Variants in ZFAND3 observed in about 807,000 individuals in gnomAD.
The protein encoded by ZFAND3 is AN1-type zinc finger protein 3.
In ZFAND3, 10 loss-of-function variants were observed where a neutral mutation model predicts 29.6. The observed-to-expected ratio is 0.34, with a 90% confidence interval of 0.21 to 0.57. The LOEUF (loss-of-function observed/expected upper bound fraction) is 0.57, where lower values mean the gene tolerates loss of function less well. ZFAND3 is among the 20% of genes least tolerant of loss of function. The pLI is 0.86. For synonymous variants in ZFAND3, 128 were observed against 112.6 expected, an observed-to-expected ratio of 1.14 and a Z score of -0.87; for missense variants, 230 against 304.5, an observed-to-expected ratio of 0.76 and a Z score of 1.82.
intron 1 of ZFAND3, among the ~76,000 whole-genome samples, chr6:37,860,980 C>G (rs757841805): frequency 6.6e-6 from 1 of 152,042 alleles, no homozygotes; most frequent in South Asian, 2.1e-4. Context: ...TAGCATAAGG[C>G]CGGGCGTGGT....
intron 5 of ZFAND3, among the ~76,000 whole-genome samples, chr6:38,138,624 G>C (rs553094033): frequency 1.3e-5 from 2 of 152,248 alleles, no homozygotes; most frequent in South Asian, 4.2e-4. Context: ...CATGAGAAGA[G>C]GTGCAGAGCC....
At chr6:37,929,283 T>G (rs2075835997) in intron 1 of ZFAND3, among the ~76,000 whole-genome samples, 1 of 152,194 alleles carries the variant, frequency 6.6e-6, no homozygotes, top group South Asian at 2.1e-4. Context: ...AGCAAAACAA[T>G]ATGGTAATAC....
intron 3 of ZFAND3, among the ~76,000 whole-genome samples, chr6:38,065,910 C>T (rs1764337014): frequency 6.6e-6 from 1 of 152,186 alleles, no homozygotes; most frequent in Non-Finnish European, 1.5e-5. Flanking sequence ...GTATGTTAGA[C>T]ACTAAGTTAA....
chr6:38,049,350 A>G (rs1022337849), intron 2 of ZFAND3, among the ~76,000 whole-genome samples: 4 of 152,226 alleles, frequency 2.6e-5, no homozygotes, highest in African/African-American at 9.6e-5. Flanking sequence ...TTCCACATGT[A>G]TTATCTGATC....
In ZFAND3 at chr6:38,081,179, G is replaced by A. The variant is rs575465082; in HGVS notation, c.296-1213G>A. Among the ~76,000 whole-genome samples, 17 of 150,470 alleles carry A rather than the reference G, an allele frequency of 1.1e-4. 1 individual carries two copies. The South Asian group carries it at 1.5e-3, about 13-fold the overall frequency. On this transcript the variant is annotated intron_variant, in intron 3 of 5. Transcript: ENST00000287218. ...TTTTTCTTTTTTTTTTTTAAAGAAA[G>A]ATTATGATCTCCATGACTGTGTGGT...
chr6:37,909,463 A>G (rs1482283220), intron 1 of ZFAND3, among the ~76,000 whole-genome samples: 2 of 151,512 alleles, frequency 1.3e-5, no homozygotes, highest in African/African-American at 2.4e-5. Context: ...TATTTTTAGT[A>G]GAGTCGGGGT....
intron 4 of ZFAND3, among the ~76,000 whole-genome samples, chr6:38,112,116 A>G (rs1219511791): frequency 6.6e-6 from 1 of 152,212 alleles, no homozygotes; most frequent in Non-Finnish European, 1.5e-5. Context: ...ATGATTCTTG[A>G]TCAGACTTTC....
intron 2 of ZFAND3, among the ~76,000 whole-genome samples, chr6:38,059,010 TG>T (rs1764184830): frequency 6.6e-6 from 1 of 152,220 alleles, no homozygotes; most frequent in Non-Finnish European, 1.5e-5. Context: ...TCGAATGCTA[TG>T]TCAAGTTGTA....
intron 2 of ZFAND3, among the ~76,000 whole-genome samples, chr6:38,050,066 T>C (rs1763995966): frequency 6.7e-6 from 1 of 148,580 alleles, no homozygotes; most frequent in Admixed American, 6.8e-5. Context: ...GCAATTATCA[T>C]GCGTCAGCCT....
chr6:37,879,888 T>G (rs1017636502), intron 1 of ZFAND3, among the ~76,000 whole-genome samples: 1 of 152,206 alleles, frequency 6.6e-6, no homozygotes, highest in East Asian at 1.9e-4. Flanking sequence ...GGCTGCGTTA[T>G]AGACTCTGCA....
chr6:37,973,688 T>C (rs193072764), intron 2 of ZFAND3, among the ~76,000 whole-genome samples: 75 of 152,382 alleles, frequency 4.9e-4, no homozygotes, highest in Admixed American at 1.8e-3. Flanking sequence ...CTAGTGTTTC[T>C]GAGAGAAAGT....
At chr6:38,077,946 G>A (rs1764586417) in intron 3 of ZFAND3, among the ~76,000 whole-genome samples, 1 of 152,130 alleles carries the variant, frequency 6.6e-6, no homozygotes, top group South Asian at 2.1e-4. Context: ...TAACTCTATA[G>A]GAGACTGGAA....
chr6:37,982,448 A>G (rs1401086103), intron 2 of ZFAND3, among the ~76,000 whole-genome samples: 2 of 152,182 alleles, frequency 1.3e-5, no homozygotes, highest in African/African-American at 4.8e-5. Flanking sequence ...AAATATAGTC[A>G]TGTGTAACAA....
intron 2 of ZFAND3, among the ~76,000 whole-genome samples, chr6:38,019,219 A>G (rs1160604605): frequency 6.6e-6 from 1 of 152,188 alleles, no homozygotes; most frequent in South Asian, 2.1e-4. Flanking sequence ...CGGCCTCCCA[A>G]AGTGCTGGGA....
intron 2 of ZFAND3, among the ~76,000 whole-genome samples, chr6:37,980,377 C>A (rs1209935139): frequency 6.6e-6 from 1 of 152,172 alleles, no homozygotes; most frequent in East Asian, 1.9e-4. Flanking sequence ...GGCCTCTTGG[C>A]TTGGTGCCTT....
At chr6:37,875,315 G>C (rs1764771767) in intron 1 of ZFAND3, among the ~76,000 whole-genome samples, 1 of 152,198 alleles carries the variant, frequency 6.6e-6, no homozygotes, top group Non-Finnish European at 1.5e-5. Context: ...CCAGCATTTT[G>C]TAGAGATGCT....
At chr6:38,024,562 C>T (rs1763410999) in intron 2 of ZFAND3, among the ~76,000 whole-genome samples, 1 of 151,998 alleles carries the variant, frequency 6.6e-6, no homozygotes, top group Non-Finnish European at 1.5e-5. Flanking sequence ...CTATTTCTTC[C>T]ATTGGATGAA....
At chr6:38,129,271 G>T (rs1765697753) in intron 5 of ZFAND3, among the ~76,000 whole-genome samples, 1 of 152,216 alleles carries the variant, frequency 6.6e-6, no homozygotes, top group Non-Finnish European at 1.5e-5. Flanking sequence ...CCACTCTGTG[G>T]GTTGTCTGTT....
intron 4 of ZFAND3, among the ~76,000 whole-genome samples, chr6:38,105,000 T>C (rs879759686): frequency 2.0e-5 from 3 of 152,228 alleles, no homozygotes; most frequent in Non-Finnish European, 2.9e-5. Flanking sequence ...CTTCACTTAT[T>C]TGTTGTGTGA....
Sources: gnomAD v4.1 joint callset for allele counts (sites outside exome capture counted in the v4.1 genomes callset) on GRCh38, gnomAD v4.1.1 for gene constraint, MANE v1.5 for transcripts, NCBI Gene and HGNC (gene_info 2026-07-23, HGNC 2026-07-21) for gene names.